Variants in TBXAS1 observed in about 807,000 individuals in gnomAD.
The protein encoded by TBXAS1 is thromboxane-A synthase.
In TBXAS1, 48 loss-of-function variants were observed where a neutral mutation model predicts 60.7. The ratio of observed to expected loss-of-function variants is 0.79; its 90% CI spans 0.63 to 1.01. The LOEUF is 1.01. TBXAS1 is among the 50% of genes least tolerant of loss of function. The pLI, the probability that TBXAS1 is intolerant of heterozygous loss-of-function variation, is 0.00. For synonymous variants in TBXAS1, 287 were observed against 269.7 expected, an observed-to-expected ratio of 1.06 and a Z score of -0.63; for missense variants, 685 against 686.3, an observed-to-expected ratio of 1.00 and a Z score of 0.02.
chr7:139,965,532 A>G (rs1356928212), intron 9 of TBXAS1, among the ~76,000 whole-genome samples: 1 of 152,062 alleles, frequency 6.6e-6, no homozygotes, highest in Non-Finnish European at 1.5e-5. Context: ...CCGCCTAAGG[A>G]ACCCACGTTT....
rs1039764594 is a variant in TBXAS1 at position 139,951,104 on chromosome 7, C to T, written c.451-2264C>T. On this transcript the variant is annotated intron_variant, in intron 5 of 12. Transcript: ENST00000448866. The stretch of plus-strand genomic sequence containing the variant: ...GAATATTCCAGAGAAGATAAGAGAT[C>T]GTTCTGCTCAGAACACACGGCAGGA... Among the ~76,000 whole-genome samples, 3 of 152,262 alleles carry T rather than the reference C, an allele frequency of 2.0e-5. No homozygotes were observed. In the East Asian group the frequency reaches 5.8e-4, roughly 29 times the overall value.
chr7:139,797,533 A>G (rs533725740), intron 4 of TBXAS1: 1 of 152,368 alleles, frequency 6.6e-6, no homozygotes. Flanking sequence ...CACAAAGACT[A>G]TAAACTAACT....
Position 139,858,335 on chromosome 7 carries a change from GT to G in TBXAS1, c.90-13893del, listed in dbSNP as rs371448216. On this transcript the variant is annotated intron_variant, in intron 1 of 12. Transcript: ENST00000448866. ...TCTTGGAGGGTCCTGCTTTGTTTTT[GT>G]TTTTTTCCAGATTAACTTTGGGGGA... Among the ~76,000 whole-genome samples the G allele has an allele frequency of 4.0e-4, 61 of 152,122 alleles. No homozygotes were observed. The South Asian group carries it at 0.013, about 32-fold the overall frequency.
At chr7:139,976,963 C>T (rs532454616) in intron 9 of TBXAS1, among the ~76,000 whole-genome samples, 1 of 152,234 alleles carries the variant, frequency 6.6e-6, no homozygotes, top group South Asian at 2.1e-4. Flanking sequence ...TCAGATCCAG[C>T]CCAACCAGAG....
chr7:139,898,142 T>G (rs1338622454), intron 3 of TBXAS1, among the ~76,000 whole-genome samples: 1 of 152,198 alleles, frequency 6.6e-6, no homozygotes, highest in Admixed American at 6.5e-5. Flanking sequence ...TTCTGGAAGT[T>G]GAGCATCTCA....
intron 3 of TBXAS1, among the ~76,000 whole-genome samples, chr7:139,909,549 T>G (rs1805356060): frequency 6.6e-6 from 1 of 152,248 alleles, no homozygotes; most frequent in Admixed American, 6.5e-5. Context: ...TTCCTGTTTC[T>G]CAAAGATTTT....
In TBXAS1 at chr7:139,999,446, C is replaced by T. The variant is rs1421728257; in HGVS notation, c.1135-7645C>T. On this transcript the variant is annotated intron_variant, in intron 9 of 12. Transcript: ENST00000448866. The surrounding 1 kb of genome is among the most constrained non-coding windows in gnomAD (Gnocchi z 4.3). ...GGCTGACGCATGAGACTCGCTTGAA[C>T]CCGGGAGGTGGAGGTTGCAGTGAGC... is the stretch of plus-strand genomic sequence containing the variant. Among the ~76,000 whole-genome samples, 1 of 152,162 alleles carries T rather than the reference C, an allele frequency of 6.6e-6. No individual in the cohort carries two copies. Among genetic ancestry groups the T allele is most frequent in the South Asian group, 2.1e-4 (1 of 4,830 alleles).
intron 9 of TBXAS1, among the ~76,000 whole-genome samples, chr7:139,987,557 C>T (rs566180588): frequency 2.0e-5 from 3 of 152,292 alleles, no homozygotes; most frequent in Admixed American, 2.0e-4. Flanking sequence ...ACTAAAGTCC[C>T]CTTCCTCAGC....
intron 4 of TBXAS1, among the ~76,000 whole-genome samples, chr7:139,919,622 G>A (rs911308363): frequency 2.6e-5 from 4 of 152,128 alleles, no homozygotes; most frequent in African/African-American, 7.2e-5. Flanking sequence ...ACATGAACCC[G>A]GTTACAGCAG....
chr7:139,814,116 A>G (rs140141652), intron 4 of TBXAS1, among the ~76,000 whole-genome samples: 6 of 152,286 alleles, frequency 3.9e-5, no homozygotes, highest in Admixed American at 1.3e-4. Flanking sequence ...AAAATCATCT[A>G]AGTAGAAAGA....
At chr7:139,981,720 G>C (rs551460113) in intron 9 of TBXAS1, among the ~76,000 whole-genome samples, 2 of 152,246 alleles carry the variant, frequency 1.3e-5, no homozygotes, top group South Asian at 4.1e-4. Flanking sequence ...CCCCTCACTG[G>C]GATTGTTCTT....
intron 9 of TBXAS1, among the ~76,000 whole-genome samples, chr7:139,976,744 C>T (rs1811591127): frequency 1.3e-5 from 2 of 152,086 alleles, no homozygotes; most frequent in Non-Finnish European, 2.9e-5. Flanking sequence ...GAAGCCCCAG[C>T]GGATTCTAAA....
intron 4 of TBXAS1, among the ~76,000 whole-genome samples, chr7:139,927,992 T>G (rs548071287): frequency 1.2e-4 from 19 of 152,308 alleles, no homozygotes; most frequent in Non-Finnish European, 2.4e-4. Flanking sequence ...TTTACAAATT[T>G]TATTTATTTT....
At chr7:139,985,909 C>G (rs916578482) in intron 9 of TBXAS1, among the ~76,000 whole-genome samples, 1 of 152,200 alleles carries the variant, frequency 6.6e-6, no homozygotes, top group African/African-American at 2.4e-5. Flanking sequence ...GGGCCTAGAA[C>G]TGAGGTCCTG....
intron 1 of TBXAS1, among the ~76,000 whole-genome samples, chr7:139,856,872 GA>G (rs1569502288): frequency 1.3e-5 from 2 of 152,174 alleles, no homozygotes; most frequent in Non-Finnish European, 2.9e-5. Context: ...GTCAGCGGTG[GA>G]GGCTTTTAAC....
intron 4 of TBXAS1, among the ~76,000 whole-genome samples, chr7:139,911,666 T>C (rs1805536012): frequency 6.6e-6 from 1 of 152,230 alleles, no homozygotes. Flanking sequence ...GCTAGGCTAA[T>C]AAATATTAGT....
At chr7:139,867,872 G>A (rs1165010061) in intron 1 of TBXAS1, among the ~76,000 whole-genome samples, 2 of 150,384 alleles carry the variant, frequency 1.3e-5, no homozygotes, top group Admixed American at 1.3e-4. Context: ...AGAAAGCCTT[G>A]AGGAAGATAA....
intron 4 of TBXAS1, among the ~76,000 whole-genome samples, chr7:139,800,064 C>G (rs547260827): frequency 6.6e-6 from 1 of 152,312 alleles, no homozygotes; most frequent in African/African-American, 2.4e-5. Flanking sequence ...TCCAGAGTTT[C>G]CCTGTAGCTC....
At chr7:139,807,159 C>T (rs566721792) in intron 4 of TBXAS1, among the ~76,000 whole-genome samples, 8 of 152,252 alleles carry the variant, frequency 5.3e-5, no homozygotes, top group Non-Finnish European at 8.8e-5. Flanking sequence ...CCAGCTCTTC[C>T]ATGTGGTCTC....
Sources: allele counts gnomAD v4.1 joint callset (sites outside exome capture counted in the v4.1 genomes callset), GRCh38; gene constraint gnomAD v4.1.1; non-coding constraint Gnocchi (gnomAD v3.1); transcripts MANE v1.5; gene names NCBI Gene and HGNC (gene_info 2026-07-23, HGNC 2026-07-21).